ILRUN: variants seen among roughly 807,000 people sequenced by gnomAD.
ILRUN encodes protein ILRUN.
ILRUN carries 3 observed loss-of-function variants against 33.8 expected under a neutral mutation model. That is an observed-to-expected ratio of 0.09 (90% CI 0.04 to 0.23). The LOEUF (loss-of-function observed/expected upper bound fraction) is 0.23. Among genes scored for constraint, ILRUN ranks in the 10% least tolerant of loss-of-function variants. The pLI, the probability that ILRUN is intolerant of heterozygous loss-of-function variation, is 1.00. For missense variants in ILRUN, 210 were observed against 375.1 expected (o/e 0.56, Z 3.64); for synonymous variants, 124 against 138.9 (o/e 0.89, Z 0.75).
intron 3 of ILRUN, among the ~76,000 whole-genome samples, chr6:34,631,315 A>C (rs1474253197): frequency 2.0e-5 from 3 of 150,254 alleles, no homozygotes; most frequent in Non-Finnish European, 4.4e-5. Context: ...AGTGTTTCTC[A>C]GTCCCCCATT....
intron 4 of ILRUN, 45 bp downstream of exon 4, chr6:34,606,510 C>T (rs756897665): frequency 1.3e-6 from 2 of 1,521,212 alleles, no homozygotes; most frequent in Non-Finnish European, 1.8e-6. Flanking sequence ...TATCACAAGT[C>T]CCAAGGCCCA....
At chr6:34,670,516 T>C (rs191693419) in intron 1 of ILRUN, among the ~76,000 whole-genome samples, 3 of 152,276 alleles carry the variant, frequency 2.0e-5, no homozygotes, top group African/African-American at 4.8e-5. Context: ...ACCATGTTAG[T>C]ATCTCAACTT....
At position 34,690,764 on chromosome 6, in the gene ILRUN, C is replaced by T. The variant is rs1763631819; in HGVS notation, c.158+5682G>A. On this transcript the variant is annotated intron_variant, in intron 1 of 4. Transcript: ENST00000374023. ...GGAGGACAAACACAAACGAAAAAGG[C>T]TTAAATTGTAGCAAGGAAGGTTTAA... is the stretch of plus-strand genomic sequence containing the variant. 3.3e-5 allele frequency among the ~76,000 whole-genome samples: 4 copies of T among 122,426 alleles called. No individual in the cohort carries two copies. The South Asian group carries it at 1.3e-3, about 39-fold the overall frequency. The allele number at this position is 122,426 out of a possible 152,430, so 80.3% of individuals were successfully genotyped here.
rs1762565731 is a variant in ILRUN at position 34,646,447 on chromosome 6, G to C, written c.511+154C>G. Among the ~76,000 whole-genome samples, 1 of 152,114 alleles carries C rather than the reference G, an allele frequency of 6.6e-6. No homozygotes were observed. Among genetic ancestry groups the C allele is most frequent in the Admixed American group, 6.5e-5 (1 of 15,282 alleles). ...GAAAGAGCACTAGACTAATCAATTA[G>C]TCATAAAATGCAAATCATTTACCTG... is the stretch of plus-strand genomic sequence containing the variant. On this transcript the variant is annotated intron_variant, in intron 3 of 4. Coordinates refer to ENST00000374023, the MANE Select transcript of ILRUN (RefSeq NM_024294.4). The surrounding 1 kb of genome is among the most constrained non-coding windows in gnomAD (Gnocchi z 4.9).
chr6:34,621,961 T>C lies in ILRUN; in HGVS notation c.512-15057A>G, dbSNP rs536997355. On this transcript the variant is annotated intron_variant, in intron 3 of 4. Coordinates refer to ENST00000374023, the MANE Select transcript of ILRUN (RefSeq NM_024294.4). ...AACAAACCTTGTGTATATGGTCAAA[T>C]GATTTCAACAACGGTGCCAAAACAA... is the stretch of plus-strand genomic sequence containing the variant. Among the ~76,000 whole-genome samples, 8 of 152,214 alleles carry C rather than the reference T, an allele frequency of 5.3e-5. No individual in the cohort carries two copies. The East Asian group carries it at 1.5e-3, about 29-fold the overall frequency.
intron 4 of ILRUN, among the ~76,000 whole-genome samples, chr6:34,599,481 T>C (rs1328335400): frequency 1.3e-5 from 2 of 152,052 alleles, no homozygotes; most frequent in Non-Finnish European, 2.9e-5. Context: ...ACTATTGGCA[T>C]CTAGTGGGTA....
intron 4 of ILRUN, among the ~76,000 whole-genome samples, chr6:34,603,688 G>A (rs531100131): frequency 1.3e-5 from 2 of 152,242 alleles, no homozygotes; most frequent in Middle Eastern, 3.4e-3. Context: ...TTATATATTA[G>A]GACTGTATTG....
At position 34,588,123 on chromosome 6, in the gene ILRUN, A is replaced by G; in HGVS notation, c.*2442T>C. The G allele has an allele frequency of 2.5e-6, 1 of 398,786 alleles. No homozygotes were observed. The highest frequency in any genetic ancestry group is 4.4e-6 in the Non-Finnish European group (1 of 226,174). The allele number at this position is 398,786 out of a possible 1,614,324, so 24.7% of individuals were successfully genotyped here. On this transcript the variant is annotated 3_prime_UTR_variant, in exon 5 of 5. Coordinates refer to ENST00000374023, the MANE Select transcript of ILRUN (RefSeq NM_024294.4). ...ACTGATACCCTCCCTGGGCTGGGGA[A>G]GCCATGGACCCCTCTGCCTGCACTC...
intron 1 of ILRUN, among the ~76,000 whole-genome samples, chr6:34,674,566 C>G (rs1297151564): frequency 6.6e-6 from 1 of 151,964 alleles, no homozygotes; most frequent in Non-Finnish European, 1.5e-5. Context: ...TAACAAAACC[C>G]AAAAATCAGT....
intron 3 of ILRUN, among the ~76,000 whole-genome samples, chr6:34,614,979 T>C (rs554617762): frequency 6.6e-6 from 1 of 152,174 alleles, no homozygotes; most frequent in South Asian, 2.1e-4. Context: ...GACTGAGAAA[T>C]TGTCACTGAC....
intron 3 of ILRUN, among the ~76,000 whole-genome samples, chr6:34,641,449 T>C (rs1762474103): frequency 6.6e-6 from 1 of 152,214 alleles, no homozygotes; most frequent in Admixed American, 6.5e-5. Context: ...AATTAAACTG[T>C]TCACTGGAGC....
At position 34,646,899 on chromosome 6, in the gene ILRUN, A is replaced by T; in HGVS notation, c.314-101T>A. The T allele has an allele frequency of 9.7e-7, 1 of 1,029,836 alleles. No homozygotes were observed. Among genetic ancestry groups the T allele is most frequent in the Admixed American group, 1.9e-5 (1 of 52,652 alleles). The allele number at this position is 1,029,836 out of a possible 1,614,324, so 63.8% of individuals were successfully genotyped here. A position where few individuals can be genotyped will look rare whatever the true frequency, so the allele number is the denominator to read the frequency against. ...GAAGAGGCCTCTTTCTTTTTCTCAC[A>T]TACATACATAAACCTAACCACATAT... On this transcript the variant is annotated intron_variant, in intron 2 of 4. Coordinates refer to ENST00000374023, the MANE Select transcript of ILRUN (RefSeq NM_024294.4). This position sits in a 1 kb window ranked among gnomAD's most constrained non-coding sequence, Gnocchi z 4.9.
chr6:34,641,226 T>C (rs1272436097), intron 3 of ILRUN, among the ~76,000 whole-genome samples: 1 of 151,892 alleles, frequency 6.6e-6, no homozygotes, highest in African/African-American at 2.4e-5. Flanking sequence ...GGCAACAGAG[T>C]CCCACAGTTC....
chr6:34,618,085 G>A (rs1032958667), intron 3 of ILRUN, among the ~76,000 whole-genome samples: 3 of 152,108 alleles, frequency 2.0e-5, no homozygotes, highest in Non-Finnish European at 4.4e-5. Context: ...TAGGAAACAA[G>A]GATCCTTGCT....
chr6:34,614,442 A>AT lies in ILRUN; in HGVS notation c.512-7539_512-7538insA, dbSNP rs199849331. Among the ~76,000 whole-genome samples, 525 of 123,514 alleles carry AT rather than the reference A, an allele frequency of 4.3e-3. 8 individuals are homozygous for AT. Among genetic ancestry groups the AT allele is most frequent in the South Asian group, 0.011 (50 of 4,358 alleles). The allele number at this position is 123,514 out of a possible 152,430, so 81.0% of individuals were successfully genotyped here. On this transcript the variant is annotated intron_variant, in intron 3 of 4. Transcript: ENST00000374023. ...ATCTCAAAAAATAATAAAAAAAAAA[A>AT]AATATATATATATAAAATGTATATT...
chr6:34,655,331 T>C (rs1359502281), intron 1 of ILRUN, among the ~76,000 whole-genome samples: 2 of 152,174 alleles, frequency 1.3e-5, no homozygotes, highest in Non-Finnish European at 2.9e-5. Flanking sequence ...CAGAAAATCA[T>C]GTTCTCTTTT....
Position 34,650,401 on chromosome 6 carries a change from ATTTATT to A in ILRUN, c.314-3609_314-3604del, listed in dbSNP as rs146803021. 9.8e-3 allele frequency among the ~76,000 whole-genome samples: 1,364 copies of A among 139,260 alleles called. 20 individuals are homozygous for A. Among genetic ancestry groups the A allele is most frequent in the Non-Finnish European group, 0.012 (789 of 65,206 alleles). The allele number at this position is 139,260 out of a possible 152,430, so 91.4% of individuals were successfully genotyped here. ...AAATATTAGGAGCTTAATTTTATTT[ATTTATT>A]TTTATTTATTTATTTATTTATTTAT... On this transcript the variant is annotated intron_variant, in intron 2 of 4. Coordinates refer to ENST00000374023, the MANE Select transcript of ILRUN (RefSeq NM_024294.4).
chr6:34,644,269 C>A (rs148300212), intron 3 of ILRUN, among the ~76,000 whole-genome samples: 1 of 152,186 alleles, frequency 6.6e-6, no homozygotes, highest in African/African-American at 2.4e-5. Flanking sequence ...GTCTTCTTCT[C>A]CCCTTAAAAA....
intron 3 of ILRUN, among the ~76,000 whole-genome samples, chr6:34,644,978 T>C (rs1762538665): frequency 6.6e-6 from 1 of 152,204 alleles, no homozygotes; most frequent in South Asian, 2.1e-4. Context: ...ATCGTGAGCC[T>C]TATATCCTGT....
Sources: gnomAD v4.1 joint callset for allele counts (sites outside exome capture counted in the v4.1 genomes callset) on GRCh38, gnomAD v4.1.1 for gene constraint, Gnocchi (gnomAD v3.1) non-coding constraint, MANE v1.5 for transcripts, NCBI Gene and HGNC (gene_info 2026-07-23, HGNC 2026-07-21) for gene names.